Variants in AKAP13 observed in about 807,000 individuals in gnomAD.
The protein encoded by AKAP13 is A-kinase anchor protein 13.
In AKAP13, 80 loss-of-function variants were observed where a neutral mutation model predicts 264.5. That is an observed-to-expected ratio of 0.30 (90% CI 0.25 to 0.36). AKAP13 has a LOEUF of 0.36. Ranked by LOEUF, AKAP13 falls within the 10% of genes least tolerant of loss-of-function variation. AKAP13 has a pLI of 1.00. For missense variants in AKAP13, 3,712 were observed against 3,435.2 expected, an observed-to-expected ratio of 1.08 and a Z score of -2.01; for synonymous variants, 1,380 against 1,250.2, an observed-to-expected ratio of 1.10 and a Z score of -2.19.
intron 1 of AKAP13, among the ~76,000 whole-genome samples, chr15:85,417,402 G>A (rs912081571): frequency 8.5e-5 from 13 of 152,280 alleles, no homozygotes; most frequent in African/African-American, 1.2e-4. Flanking sequence ...TCGAAATAGC[G>A]TATGAGCAAT....
At chr15:85,507,270 G>T (rs1038022653) in intron 2 of AKAP13, among the ~76,000 whole-genome samples, 1 of 151,900 alleles carries the variant, frequency 6.6e-6, no homozygotes, top group Non-Finnish European at 1.5e-5. Flanking sequence ...TGGTTGGCAA[G>T]CTACAGCCTG....
At chr15:85,577,991 A>G (rs1211485265) in intron 6 of AKAP13, 1 of 218,910 alleles carries the variant, frequency 4.6e-6, no homozygotes, top group African/African-American at 2.3e-5. Flanking sequence ...GAAGACAATG[A>G]AAAATATAGG....
intron 30 of AKAP13, among the ~76,000 whole-genome samples, chr15:85,734,362 G>A (rs189601584): frequency 1.3e-5 from 2 of 152,294 alleles, no homozygotes; most frequent in East Asian, 1.9e-4. Context: ...CATAGGACTC[G>A]TCTATCATTT....
intron 19 of AKAP13, among the ~76,000 whole-genome samples, chr15:85,715,527 T>C (rs2086881113): frequency 6.6e-6 from 1 of 152,082 alleles, no homozygotes; most frequent in Non-Finnish European, 1.5e-5. Flanking sequence ...GGAGTTTTTA[T>C]ACAAACTTAC....
At chr15:85,668,891 C>T (rs913814217) in intron 13 of AKAP13, among the ~76,000 whole-genome samples, 1 of 147,594 alleles carries the variant, frequency 6.8e-6, no homozygotes, top group Non-Finnish European at 1.5e-5. Context: ...TGCAATGAGC[C>T]GAGATCATGC....
chr15:85,423,811 A>T (rs1697225054), intron 1 of AKAP13, among the ~76,000 whole-genome samples: 1 of 152,242 alleles, frequency 6.6e-6, no homozygotes, highest in Non-Finnish European at 1.5e-5. Flanking sequence ...AAATCATAAG[A>T]CTTGAAAGTC....
At chr15:85,710,856 T>C (rs767609426) in intron 19 of AKAP13, among the ~76,000 whole-genome samples, 3 of 152,180 alleles carry the variant, frequency 2.0e-5, no homozygotes, top group Non-Finnish European at 4.4e-5. Flanking sequence ...TAAAACAGTC[T>C]GTGTATTAGC....
chr15:85,648,030 T>A (rs1157946213), intron 10 of AKAP13, among the ~76,000 whole-genome samples: 1 of 152,062 alleles, frequency 6.6e-6, no homozygotes, highest in South Asian at 2.1e-4. Flanking sequence ...ATTTTATTTT[T>A]TTTTTAATAA....
chr15:85,703,218 T>C (rs2086031982), intron 17 of AKAP13, among the ~76,000 whole-genome samples: 1 of 152,236 alleles, frequency 6.6e-6, no homozygotes, highest in African/African-American at 2.4e-5. Context: ...GTTCATTGCT[T>C]ATATGAGAGA....
chr15:85,438,072 T>A (rs1019052973), intron 1 of AKAP13, among the ~76,000 whole-genome samples: 1 of 145,784 alleles, frequency 6.9e-6, no homozygotes, highest in African/African-American at 2.6e-5. Flanking sequence ...AAAACCCCAT[T>A]GTCTCAGCCC....
At chr15:85,426,523 T>G (rs2150912691) in intron 1 of AKAP13, among the ~76,000 whole-genome samples, 1 of 152,282 alleles carries the variant, frequency 6.6e-6, no homozygotes, top group Non-Finnish European at 1.5e-5. Flanking sequence ...AACTGACAAT[T>G]GCGCATATTT....
intron 1 of AKAP13, among the ~76,000 whole-genome samples, chr15:85,472,198 T>TAA (rs33991348): frequency 1.1e-4 from 15 of 138,332 alleles, no homozygotes; most frequent in Middle Eastern, 3.6e-3. Context: ...TATACTAGGT[T>TAA]AAAAAAAAAA....
chr15:85,427,681 A>G (rs1036026107), intron 1 of AKAP13, among the ~76,000 whole-genome samples: 1 of 152,252 alleles, frequency 6.6e-6, no homozygotes, highest in African/African-American at 2.4e-5. Context: ...GATGAGGCCA[A>G]TTATAGAATT....
chr15:85,405,095 A>G (rs1307470076), intron 1 of AKAP13, among the ~76,000 whole-genome samples: 4 of 151,934 alleles, frequency 2.6e-5, no homozygotes, highest in Non-Finnish European at 5.9e-5. Flanking sequence ...TCTTAATGTG[A>G]CTTCTAAGTC....
At chr15:85,561,258 G>A (rs897444887) in intron 5 of AKAP13, among the ~76,000 whole-genome samples, 5 of 151,780 alleles carry the variant, frequency 3.3e-5, no homozygotes, top group Non-Finnish European at 4.4e-5. Context: ...GGGTTTCACC[G>A]CATTGGCCAG....
rs765810748 is a variant in AKAP13, at chr15:85,483,642, A to AACAAAC, written c.-11-2067_-11-2066insCAAACA. ...AGCGAGACTCCGTCTCAAAAAAAAA[A>AACAAAC]AAAAAAAAACACCAAAAAATCAGCT... On this transcript the variant is annotated intron_variant, in intron 1 of 36. Transcript: ENST00000394518. 4.7e-4 allele frequency among the ~76,000 whole-genome samples: 68 copies of AACAAAC among 145,306 alleles called. 1 individual carries two copies. Among genetic ancestry groups the AACAAAC allele is most frequent in the South Asian group, 1.7e-3 (8 of 4,584 alleles).
intron 8 of AKAP13, among the ~76,000 whole-genome samples, chr15:85,587,984 C>T (rs1406756454): frequency 6.6e-6 from 1 of 151,694 alleles, no homozygotes; most frequent in Non-Finnish European, 1.5e-5. Context: ...TTGAGAGAAA[C>T]AGTGCCCTAT....
intron 36 of AKAP13, 71 bp downstream of exon 36, chr15:85,743,896 G>A (rs2089239387): frequency 6.6e-7 from 1 of 1,504,236 alleles, no homozygotes; most frequent in Admixed American, 2.2e-5. Flanking sequence ...AGATTTTAGT[G>A]GCATGGGGCG....
At chr15:85,626,408 A>G (rs2081412762) in intron 8 of AKAP13, among the ~76,000 whole-genome samples, 1 of 152,126 alleles carries the variant, frequency 6.6e-6, no homozygotes, top group African/African-American at 2.4e-5. Context: ...CTAACTTCCC[A>G]TTCTCTTTGC....
Sources: gnomAD v4.1 joint callset for allele counts (sites outside exome capture counted in the v4.1 genomes callset) on GRCh38, gnomAD v4.1.1 for gene constraint, MANE v1.5 for transcripts, NCBI Gene and HGNC (gene_info 2026-07-23, HGNC 2026-07-21) for gene names.